DPP10: variants seen among roughly 807,000 people sequenced by gnomAD.
DPP10 encodes inactive dipeptidyl peptidase 10.
Under a neutral mutation model 120.9 loss-of-function variants are expected in DPP10, and 33 were observed. That is an observed-to-expected ratio of 0.27 (90% confidence interval 0.21 to 0.37). DPP10 has a LOEUF of 0.37. Ranked by LOEUF, DPP10 falls within the 10% of genes least tolerant of loss-of-function variation. The pLI is 1.00. For synonymous variants in DPP10, 337 were observed against 326.1 expected, an observed-to-expected ratio of 1.03 and a Z score of -0.36; for missense variants, 816 against 942.8, an observed-to-expected ratio of 0.87 and a Z score of 1.76.
At chr2:115,418,945 G>T (rs2069685494) in intron 3 of DPP10, among the ~76,000 whole-genome samples, 1 of 152,178 alleles carries the variant, frequency 6.6e-6, no homozygotes, top group South Asian at 2.1e-4. Flanking sequence ...CTCCTCTTCA[G>T]TGAACCTCAG....
intron 1 of DPP10, among the ~76,000 whole-genome samples, chr2:114,839,514 A>G (rs1271324955): frequency 6.6e-6 from 1 of 152,206 alleles, no homozygotes; most frequent in African/African-American, 2.4e-5. Context: ...AAATAGAACC[A>G]TGAAGAAAAT....
intron 2 of DPP10, among the ~76,000 whole-genome samples, chr2:115,329,053 C>A (rs1046107686): frequency 6.6e-6 from 1 of 151,958 alleles, no homozygotes; most frequent in South Asian, 2.1e-4. Flanking sequence ...AAACTTCTTG[C>A]AGATTATGCT....
intron 1 of DPP10, among the ~76,000 whole-genome samples, chr2:114,928,607 C>T (rs376132400): frequency 8.6e-5 from 13 of 152,040 alleles, no homozygotes; most frequent in Admixed American, 3.9e-4. Context: ...TGAGGGTACA[C>T]GGTGCCAGTA....
chr2:115,771,048 A>T (rs1681395817), intron 13 of DPP10, among the ~76,000 whole-genome samples: 1 of 140,942 alleles, frequency 7.1e-6, no homozygotes, highest in Non-Finnish European at 1.5e-5. Context: ...AAGCAGATAT[A>T]CTGTACTGTA....
chr2:115,840,319 G>GTTTTTTTTTT lies in DPP10; in HGVS notation c.2183-418_2183-409dup, dbSNP rs1310199623. On this transcript the variant is annotated intron_variant, in intron 24 of 25. Coordinates refer to ENST00000410059, the MANE Select transcript of DPP10 (RefSeq NM_020868.6). ...CTAAAGCCAGATATAAGGTTTTTTG[G>GTTTTTTTTTT]TTTTTTTTTTTTTTTTTTTTTTGAG... Among the ~76,000 whole-genome samples the GTTTTTTTTTT allele has an allele frequency of 2.7e-3, 218 of 79,530 alleles. 58 individuals carry two copies. Among genetic ancestry groups the GTTTTTTTTTT allele is most frequent in the African/African-American group, 4.6e-3 (100 of 21,708 alleles). 52.2% of individuals were successfully genotyped at this position (79,530 alleles called of 152,430 possible).
At chr2:115,205,642 G>A (rs1214425714) in intron 1 of DPP10, among the ~76,000 whole-genome samples, 16 of 152,082 alleles carry the variant, frequency 1.1e-4, no homozygotes, top group Non-Finnish European at 1.5e-5. Flanking sequence ...GCCCATCAGT[G>A]GTGGATTGGA....
At position 115,343,840 on chromosome 2, in the gene DPP10, A is replaced by G; in HGVS notation, c.199A>G (p.Thr67Ala). 6.2e-7 allele frequency: 1 copy of G among 1,612,044 alleles called. No individual in the cohort carries two copies. The highest frequency in any genetic ancestry group is 1.1e-5 in the South Asian group (1 of 90,608). ...AGATGAACTCACAAATTCGTCAGAA[A>G]CCAGATTGTCTTTGGAAGACCTCTT... ...TPDELTNSSE[T>A]RLSLEDLFRK... The change falls in exon 3 of 26, where the codon ACC (threonine) becomes GCC (alanine). Residue 67 changes from threonine to alanine, a missense_variant. Thr to Ala is a moderately conservative substitution (Grantham distance 58). Coordinates refer to ENST00000410059, the MANE Select transcript of DPP10 (RefSeq NM_020868.6).
At chr2:115,795,885 C>T (rs1331777345) in intron 19 of DPP10, among the ~76,000 whole-genome samples, 1 of 152,030 alleles carries the variant, frequency 6.6e-6, no homozygotes, top group Non-Finnish European at 1.5e-5. Flanking sequence ...TCTCTACTTA[C>T]ACTTCCTTTC....
intron 4 of DPP10, among the ~76,000 whole-genome samples, chr2:115,519,549 A>G (rs1575078358): frequency 6.6e-6 from 1 of 152,364 alleles, no homozygotes; most frequent in South Asian, 2.1e-4. Flanking sequence ...AAAAATACAC[A>G]GTAAAAAAAA....
At chr2:115,496,218 A>T (rs1414973661) in intron 3 of DPP10, among the ~76,000 whole-genome samples, 3 of 152,138 alleles carry the variant, frequency 2.0e-5, no homozygotes, top group African/African-American at 7.2e-5. Context: ...ATAAGGGCAG[A>T]TATTAGTTTC....
chr2:114,719,485 C>T (rs1434056431), intron 1 of DPP10, among the ~76,000 whole-genome samples: 2 of 152,142 alleles, frequency 1.3e-5, no homozygotes, highest in East Asian at 1.9e-4. Flanking sequence ...CTTCTCTAAC[C>T]AGGACGAAAG....
Position 114,880,730 on chromosome 2 carries a change from C to T in DPP10, c.61-428509C>T, listed in dbSNP as rs543176959. Among the ~76,000 whole-genome samples, 4 of 151,836 alleles carry T rather than the reference C, an allele frequency of 2.6e-5. No homozygotes were observed. In the East Asian group the frequency reaches 5.8e-4, roughly 22 times the overall value. On this transcript the variant is annotated intron_variant, in intron 1 of 25. Coordinates refer to ENST00000410059, the MANE Select transcript of DPP10 (RefSeq NM_020868.6). Reference sequence around the variant, plus strand: ...TACAAAATGTGCCAAGTTTTTCAAACGGATTCAAAAAATTATCAAGTACAT... The same window carrying T: ...TACAAAATGTGCCAAGTTTTTCAAATGGATTCAAAAAATTATCAAGTACAT...
At chr2:114,611,544 A>G (rs536544406) in intron 1 of DPP10, among the ~76,000 whole-genome samples, 1 of 152,304 alleles carries the variant, frequency 6.6e-6, no homozygotes, top group East Asian at 1.9e-4. Flanking sequence ...AATTGATTGT[A>G]TTATGGTAGT....
chr2:115,236,499 A>G (rs2058015464), intron 1 of DPP10, among the ~76,000 whole-genome samples: 1 of 152,170 alleles, frequency 6.6e-6, no homozygotes, highest in Non-Finnish European at 1.5e-5. Flanking sequence ...CCTTAAACAA[A>G]CACTGAGGAT....
At chr2:115,799,680 C>T (rs1489758463) in intron 19 of DPP10, among the ~76,000 whole-genome samples, 3 of 146,806 alleles carry the variant, frequency 2.0e-5, no homozygotes, top group Admixed American at 1.4e-4. Context: ...TGAGAACATG[C>T]GGTGTTTGGT....
chr2:115,046,684 A>G (rs1398917991), intron 1 of DPP10, among the ~76,000 whole-genome samples: 1 of 152,136 alleles, frequency 6.6e-6, no homozygotes, highest in African/African-American at 2.4e-5. Context: ...AAACCAAAAC[A>G]TTCAATTGTC....
chr2:115,723,626 T>TTC (rs2092699918), intron 7 of DPP10, among the ~76,000 whole-genome samples: 1 of 151,148 alleles, frequency 6.6e-6, no homozygotes. Context: ...TTTTTTGTTT[T>TTC]TTTTTTTTTT....
At chr2:115,019,379 G>T (rs184738448) in intron 1 of DPP10, among the ~76,000 whole-genome samples, 1 of 152,176 alleles carries the variant, frequency 6.6e-6, no homozygotes, top group African/African-American at 2.4e-5. Context: ...AACTGCACTT[G>T]AAAGTCTCAG....
At chr2:114,859,933 T>C (rs1489909090) in intron 1 of DPP10, among the ~76,000 whole-genome samples, 1 of 152,208 alleles carries the variant, frequency 6.6e-6, no homozygotes, top group East Asian at 1.9e-4. Flanking sequence ...AAAATGTAGA[T>C]TCTTACTCAG....
Sources: allele counts gnomAD v4.1 joint callset (sites outside exome capture counted in the v4.1 genomes callset), GRCh38; gene constraint gnomAD v4.1.1; transcripts MANE v1.5; gene names NCBI Gene and HGNC (gene_info 2026-07-23, HGNC 2026-07-21).